Variants in SLC35F4 observed in about 807,000 individuals in gnomAD.
SLC35F4 encodes the protein solute carrier family 35 member F4.
SLC35F4 carries 24 observed loss-of-function variants against 44.2 expected under a neutral mutation model. That is an observed-to-expected ratio of 0.54 (90% CI 0.39 to 0.76). The LOEUF (loss-of-function observed/expected upper bound fraction) is 0.76. SLC35F4 is among the 30% of genes least tolerant of loss of function. SLC35F4 has a pLI of 0.00. For synonymous variants in SLC35F4, 238 were observed against 223.6 expected (o/e 1.06, Z -0.57); for missense variants, 562 against 586.1 (o/e 0.96, Z 0.42).
rs2075475703 is a variant in SLC35F4 at position 57,699,454 on chromosome 14, G to A, written c.104-105330C>T. On this transcript the variant is annotated intron_variant, in intron 1 of 7. Coordinates refer to ENST00000556826, the MANE Select transcript of SLC35F4 (RefSeq NM_001306087.2). ...AGCAAGTAAATACAACCAAACCCAAGAATCCCTTACGTGCAAGAATTTCTT... is the reference window on the plus strand; with the variant it reads ...AGCAAGTAAATACAACCAAACCCAAAAATCCCTTACGTGCAAGAATTTCTT... Among the ~76,000 whole-genome samples the A allele has an allele frequency of 1.3e-5, 2 of 152,222 alleles. 1 individual carries two copies. Among genetic ancestry groups the A allele is most frequent in the South Asian group, 4.1e-4 (2 of 4,824 alleles).
intron 1 of SLC35F4, among the ~76,000 whole-genome samples, chr14:57,633,628 T>A (rs2072890097): frequency 6.6e-6 from 1 of 152,074 alleles, no homozygotes; most frequent in African/African-American, 2.4e-5. Flanking sequence ...ACCACCACCA[T>A]AGTAAGATAT....
At chr14:57,645,112 T>G (rs934746942) in intron 1 of SLC35F4, among the ~76,000 whole-genome samples, 3 of 152,236 alleles carry the variant, frequency 2.0e-5, no homozygotes, top group Admixed American at 6.5e-5. Flanking sequence ...AGACTCTTTT[T>G]TGGTTCCACA....
chr14:57,570,124 G>A (rs1168876307), intron 5 of SLC35F4, 144 bp from the exon 6 acceptor site: 5 of 660,850 alleles, frequency 7.6e-6, no homozygotes, highest in Admixed American at 6.8e-5. Flanking sequence ...GCACTAGATG[G>A]GCTGTTGAGA....
chr14:57,566,611 T>G, intron 6 of SLC35F4, 47 bp from the exon 7 acceptor site: 1 of 1,520,494 alleles, frequency 6.6e-7, no homozygotes, highest in Non-Finnish European at 8.9e-7. Context: ...AATAATACGC[T>G]GGACTTTTTT....
intron 1 of SLC35F4, among the ~76,000 whole-genome samples, chr14:57,740,728 A>C (rs897383353): frequency 4.6e-5 from 7 of 152,232 alleles, no homozygotes; most frequent in Non-Finnish European, 8.8e-5. Flanking sequence ...ATATTTACAG[A>C]TCATATGAAT....
intron 1 of SLC35F4, among the ~76,000 whole-genome samples, chr14:57,626,635 C>T (rs931314214): frequency 3.9e-5 from 6 of 152,114 alleles, no homozygotes; most frequent in Non-Finnish European, 7.4e-5. Flanking sequence ...AGAACCAGAA[C>T]TCGATAGCAC....
intron 1 of SLC35F4, among the ~76,000 whole-genome samples, chr14:57,860,719 T>C (rs188798049): frequency 2.7e-4 from 41 of 152,362 alleles, no homozygotes; most frequent in African/African-American, 9.4e-4. Flanking sequence ...ATTTGACTTA[T>C]GGAAATGAAT....
At chr14:57,874,844 T>C (rs1412081769) in intron 1 of SLC35F4, among the ~76,000 whole-genome samples, 2 of 152,202 alleles carry the variant, frequency 1.3e-5, no homozygotes, top group East Asian at 3.8e-4. Context: ...AGGGTTCTGT[T>C]AAATTTAAAT....
intron 1 of SLC35F4, among the ~76,000 whole-genome samples, chr14:57,608,992 G>A (rs533210988): frequency 2.6e-5 from 4 of 152,156 alleles, no homozygotes; most frequent in South Asian, 4.1e-4. Flanking sequence ...ATGAGAAAGC[G>A]CATGCAGGAA....
At chr14:57,779,264 A>T (rs1220724940) in intron 1 of SLC35F4, among the ~76,000 whole-genome samples, 2 of 152,224 alleles carry the variant, frequency 1.3e-5, no homozygotes, top group Non-Finnish European at 2.9e-5. Context: ...AAAGATCAGA[A>T]GGTCCAAATA....
intron 1 of SLC35F4, among the ~76,000 whole-genome samples, chr14:57,624,281 C>G (rs2072353843): frequency 6.6e-6 from 1 of 152,148 alleles, no homozygotes; most frequent in Non-Finnish European, 1.5e-5. Context: ...AGACCAATAA[C>G]AAGTTCTGAA....
intron 1 of SLC35F4, among the ~76,000 whole-genome samples, chr14:57,785,441 A>G (rs1314761089): frequency 6.6e-6 from 1 of 152,220 alleles, no homozygotes; most frequent in African/African-American, 2.4e-5. Flanking sequence ...ACTACATTGC[A>G]GTTCTGTACA....
intron 1 of SLC35F4, among the ~76,000 whole-genome samples, chr14:57,686,980 T>C (rs992136260): frequency 1.3e-5 from 2 of 152,124 alleles, no homozygotes; most frequent in Non-Finnish European, 2.9e-5. Flanking sequence ...ATCATTAAGA[T>C]GGCCCTTAAT....
chr14:57,855,760 T>C (rs1206661303), intron 1 of SLC35F4, among the ~76,000 whole-genome samples: 1 of 152,190 alleles, frequency 6.6e-6, no homozygotes, highest in Non-Finnish European at 1.5e-5. Flanking sequence ...TGTGGCACTA[T>C]GCACATTAGC....
chr14:57,848,366 C>A (rs1269796492), intron 1 of SLC35F4, among the ~76,000 whole-genome samples: 1 of 152,182 alleles, frequency 6.6e-6, no homozygotes, highest in Non-Finnish European at 1.5e-5. Context: ...GGTGCTATAC[C>A]AAAATCATGG....
At chr14:57,754,342 TGATC>T (rs2076950539) in intron 1 of SLC35F4, among the ~76,000 whole-genome samples, 1 of 152,052 alleles carries the variant, frequency 6.6e-6, no homozygotes, top group Non-Finnish European at 1.5e-5. Context: ...TGACCTCAGG[TGATC>T]CATCCACCTT....
intron 1 of SLC35F4, among the ~76,000 whole-genome samples, chr14:57,937,855 A>G (rs573157177): frequency 9.9e-5 from 15 of 152,250 alleles, no homozygotes; most frequent in South Asian, 2.1e-4. Flanking sequence ...ATAAAAATTC[A>G]GAGTTATGCA....
At chr14:57,959,015 G>A (rs1455826444) in intron 1 of SLC35F4, among the ~76,000 whole-genome samples, 1 of 152,200 alleles carries the variant, frequency 6.6e-6, no homozygotes, top group Non-Finnish European at 1.5e-5. Context: ...CTGGGTCCAT[G>A]TGGCAGGGAC....
At chr14:57,564,758 G>A (rs2068121387) in intron 7 of SLC35F4, among the ~76,000 whole-genome samples, 1 of 152,156 alleles carries the variant, frequency 6.6e-6, no homozygotes, top group Non-Finnish European at 1.5e-5. Context: ...TGAAATTCAT[G>A]TAATATAAAA....
Sources: allele counts gnomAD v4.1 joint callset (sites outside exome capture counted in the v4.1 genomes callset), GRCh38; gene constraint gnomAD v4.1.1; transcripts MANE v1.5; gene names NCBI Gene and HGNC (gene_info 2026-07-23, HGNC 2026-07-21).